The following KCNH7 variants were observed in gnomAD, a reference collection of about 807,000 sequenced individuals.
KCNH7 encodes the protein voltage-gated inwardly rectifying potassium channel KCNH7.
In KCNH7, 49 loss-of-function variants were observed where a neutral mutation model predicts 120.8. The ratio of observed to expected loss-of-function variants is 0.41; its 90% CI spans 0.32 to 0.51. The LOEUF is 0.51. KCNH7 is among the 20% of genes least tolerant of loss of function. The pLI is 0.38. For missense variants in KCNH7, 1,097 were observed against 1,446.6 expected (o/e 0.76, Z 3.92); for synonymous variants, 547 against 516.1 (o/e 1.06, Z -0.81).
At chr2:162,486,505 T>C (rs1047715428) in intron 6 of KCNH7, among the ~76,000 whole-genome samples, 1 of 152,194 alleles carries the variant, frequency 6.6e-6, no homozygotes, top group African/African-American at 2.4e-5. Context: ...CTTTAGTTCC[T>C]TTAAGCTAAG....
At chr2:162,758,201 C>T (rs977498772) in intron 2 of KCNH7, among the ~76,000 whole-genome samples, 2 of 152,036 alleles carry the variant, frequency 1.3e-5, no homozygotes, top group Non-Finnish European at 2.9e-5. Flanking sequence ...AGACCTAGAC[C>T]TTGAACTGAG....
intron 2 of KCNH7, among the ~76,000 whole-genome samples, chr2:162,799,949 T>TACACACACAC (rs3052920): frequency 4.2e-4 from 62 of 146,424 alleles, no homozygotes; most frequent in African/African-American, 1.5e-3. Flanking sequence ...TTTACACACA[T>TACACACACAC]ACACACACAC....
intron 2 of KCNH7, among the ~76,000 whole-genome samples, chr2:162,570,660 G>A (rs1162516849): frequency 6.6e-6 from 1 of 151,970 alleles, no homozygotes; most frequent in African/African-American, 2.4e-5. Context: ...ATTTTGCAGC[G>A]GCTGGTATCG....
At chr2:162,602,948 C>CTTT in intron 2 of KCNH7, among the ~76,000 whole-genome samples, 1 of 135,092 alleles carries the variant, frequency 7.4e-6, no homozygotes, top group Admixed American at 7.5e-5. Flanking sequence ...AGCTGGAGGA[C>CTTT]TTTTTTTTTT....
chr2:162,593,002 A>G (rs1043134989), intron 2 of KCNH7, among the ~76,000 whole-genome samples: 2 of 152,038 alleles, frequency 1.3e-5, no homozygotes, highest in African/African-American at 4.8e-5. Flanking sequence ...CTCATAATCA[A>G]TCATCTAAGT....
intron 6 of KCNH7, among the ~76,000 whole-genome samples, chr2:162,486,528 G>A (rs181497323): frequency 2.8e-4 from 42 of 152,116 alleles, no homozygotes; most frequent in Middle Eastern, 3.4e-3. Flanking sequence ...CTATATTTGG[G>A]ACATGGTTGA....
At chr2:162,479,672 CATGT>C (rs1255387136) in intron 6 of KCNH7, among the ~76,000 whole-genome samples, 1 of 108,194 alleles carries the variant, frequency 9.2e-6, no homozygotes, top group Non-Finnish European at 1.8e-5. Flanking sequence ...TGTGTGTGTG[CATGT>C]GTGTGTGTGT....
chr2:162,427,726 T>C (rs1360516050), intron 8 of KCNH7, among the ~76,000 whole-genome samples: 2 of 151,890 alleles, frequency 1.3e-5, no homozygotes, highest in Non-Finnish European at 2.9e-5. Context: ...CAATTTTTCT[T>C]TTATGATTCA....
chr2:162,607,228 A>C (rs981848334), intron 2 of KCNH7, among the ~76,000 whole-genome samples: 1 of 150,904 alleles, frequency 6.6e-6, no homozygotes, highest in African/African-American at 2.4e-5. Flanking sequence ...TACAAAAAAA[A>C]AAAAAAAAAA....
intron 2 of KCNH7, among the ~76,000 whole-genome samples, chr2:162,821,469 A>G: frequency 6.6e-6 from 1 of 152,242 alleles, no homozygotes. Flanking sequence ...TAGGCATCAC[A>G]AGAATGAGTG....
chr2:162,785,386 T>A (rs1020019644), intron 2 of KCNH7, among the ~76,000 whole-genome samples: 2 of 152,190 alleles, frequency 1.3e-5, no homozygotes, highest in Admixed American at 6.5e-5. Context: ...AAGCTCTTAC[T>A]TTTCTATTTG....
At chr2:162,591,343 G>T (rs537755599) in intron 2 of KCNH7, among the ~76,000 whole-genome samples, 1 of 151,732 alleles carries the variant, frequency 6.6e-6, no homozygotes, top group Admixed American at 6.6e-5. Flanking sequence ...TTATAACTGT[G>T]CCCAGCATAT....
At chr2:162,758,399 T>A (rs1688858587) in intron 2 of KCNH7, among the ~76,000 whole-genome samples, 1 of 152,154 alleles carries the variant, frequency 6.6e-6, no homozygotes, top group South Asian at 2.1e-4. Context: ...GAAGAAATTC[T>A]CGCTTTAAAA....
At chr2:162,798,889 G>T (rs1268060561) in intron 2 of KCNH7, among the ~76,000 whole-genome samples, 2 of 151,958 alleles carry the variant, frequency 1.3e-5, no homozygotes, top group East Asian at 3.9e-4. Context: ...AATTCAATAA[G>T]GGAGATAGAC....
At chr2:162,622,500 A>T (rs1683399016) in intron 2 of KCNH7, among the ~76,000 whole-genome samples, 1 of 152,194 alleles carries the variant, frequency 6.6e-6, no homozygotes, top group South Asian at 2.1e-4. Context: ...CTCTTAACAC[A>T]GAATAGTTAT....
At chr2:162,546,189 T>C (rs1175901344) in intron 2 of KCNH7, among the ~76,000 whole-genome samples, 4 of 152,276 alleles carry the variant, frequency 2.6e-5, no homozygotes, top group East Asian at 1.9e-4. Flanking sequence ...AATTAGTGTA[T>C]TGGGAAATAT....
intron 2 of KCNH7, among the ~76,000 whole-genome samples, chr2:162,780,654 A>G (rs1683444834): frequency 6.6e-6 from 1 of 152,160 alleles, no homozygotes; most frequent in African/African-American, 2.4e-5. Context: ...TTTTTTCTCA[A>G]GCATGGAGAC....
rs765509036 is a variant in KCNH7, at chr2:162,384,647, A to C, written c.2962+41T>G. 8.8e-6 allele frequency: 14 copies of C among 1,584,280 alleles called. No individual in the cohort carries two copies. The South Asian group carries it at 1.5e-4, about 17-fold the overall frequency. On this transcript the variant is annotated intron_variant, in intron 13 of 15. Coordinates refer to ENST00000332142, the MANE Select transcript of KCNH7 (RefSeq NM_033272.4). ...TGTAAAAAGTCACCATTTTGTGATT[A>C]GCACTGAAGAGAGACCACCTGATGT...
intron 6 of KCNH7, among the ~76,000 whole-genome samples, chr2:162,457,713 G>A (rs1473699283): frequency 1.3e-5 from 2 of 152,126 alleles, no homozygotes; most frequent in Non-Finnish European, 2.9e-5. Context: ...GTTGGTTGAA[G>A]CTGCTCATCA....
Sources: gnomAD v4.1 joint callset for allele counts (sites outside exome capture counted in the v4.1 genomes callset) on GRCh38, gnomAD v4.1.1 for gene constraint, MANE v1.5 for transcripts, NCBI Gene and HGNC (gene_info 2026-07-23, HGNC 2026-07-21) for gene names.